Variants in NXPH4 observed in about 807,000 individuals in gnomAD.
NXPH4 encodes neurexophilin 4.
A neutral mutation model predicts 21.3 loss-of-function variants in NXPH4; 8 were observed. The observed-to-expected ratio is 0.38, with a 90% CI of 0.22 to 0.68. The LOEUF (loss-of-function observed/expected upper bound fraction) is 0.68, where lower values mean the gene tolerates loss of function less well. NXPH4 is among the 30% of genes least tolerant of loss of function. NXPH4 has a pLI of 0.53. For missense variants in NXPH4, 418 were observed against 416.8 expected (o/e 1.00, Z -0.03); for synonymous variants, 219 against 192.6 (o/e 1.14, Z -1.13).
Position 57,225,435 on chromosome 12 carries a change from G to A in NXPH4, c.615G>A (p.Gly205=). 1 of 1,603,414 alleles carries A rather than the reference G, an allele frequency of 6.2e-7. No individual in the cohort carries two copies. Residue 205 remains glycine (G), a synonymous_variant, in exon 2 of 2, where the codon GGG becomes GGA. Transcript: ENST00000349394. ...MAAAAAGPGL[G]GSLGGALAGP... ...CAGCAGCGGCGGGGCCCGGGCTTGG[G>A]GGCTCCCTCGGGGGCGCACTGGCGG...
chr12:57,222,588 G>A (rs1306177116), intron 1 of NXPH4, among the ~76,000 whole-genome samples: 1 of 151,902 alleles, frequency 6.6e-6, no homozygotes, highest in East Asian at 1.9e-4. Context: ...AGTTCAAATG[G>A]CCCACCCTTC....
intron 1 of NXPH4, among the ~76,000 whole-genome samples, chr12:57,218,238 A>G (rs1592672641): frequency 6.6e-6 from 1 of 152,242 alleles, no homozygotes; most frequent in Admixed American, 6.5e-5. Context: ...AAACCCCAGC[A>G]GGGCAGGGGC....
In NXPH4 at chr12:57,225,171, C is replaced by T. The variant is rs148526252; in HGVS notation, c.351C>T (p.Thr117=). 1.2e-5 allele frequency: 19 copies of T among 1,590,166 alleles called. No homozygotes were observed. Among genetic ancestry groups the T allele is most frequent in the Non-Finnish European group, 1.5e-5 (18 of 1,168,304 alleles). ...GWGDFYFRVH[T]LKFSLLVTGK... ...GGGACTTCTACTTTCGGGTGCATAC[C>T]CTCAAGTTTTCGCTGCTGGTGACCG... The change falls in exon 2 of 2, where the codon ACC becomes ACT. Residue 117 remains threonine (T), a synonymous_variant. Coordinates refer to ENST00000349394, the MANE Select transcript of NXPH4 (RefSeq NM_007224.4).
intron 1 of NXPH4, among the ~76,000 whole-genome samples, chr12:57,223,026 A>G (rs1378659266): frequency 1.3e-5 from 2 of 151,956 alleles, no homozygotes; most frequent in Admixed American, 1.3e-4. Flanking sequence ...AGAGGGGGGC[A>G]CCCATGCTTC....
At chr12:57,221,400 C>T in intron 1 of NXPH4, 1 of 455,132 alleles carries the variant, frequency 2.2e-6, no homozygotes, top group Non-Finnish European at 4.4e-6. Flanking sequence ...AGCCTGGAGG[C>T]CCAGGGGAGG....
At position 57,225,449 on chromosome 12, in the gene NXPH4, G is replaced by C; in HGVS notation, c.629G>C (p.Gly210Ala). The change falls in exon 2 of 2, where the codon GGC becomes GCC. Residue 210 changes from glycine to alanine, a missense_variant. Physicochemically the swap from Gly to Ala is moderately conservative, Grantham distance 60 (BLOSUM62 0). Coordinates refer to ENST00000349394, the MANE Select transcript of NXPH4 (RefSeq NM_007224.4). ...AGPGLGGSLGGALAGPLGGAL... is the reference protein window; with the variant it reads ...AGPGLGGSLGAALAGPLGGAL... The stretch of plus-strand genomic sequence containing the variant: ...CCCGGGCTTGGGGGCTCCCTCGGGG[G>C]CGCACTGGCGGGGCCGCTTGGGGGC... The C allele has an allele frequency of 6.2e-7, 1 of 1,603,412 alleles. No homozygotes were observed. The highest frequency in any genetic ancestry group is 8.5e-7 in the Non-Finnish European group (1 of 1,177,036).
At chr12:57,219,101 A>G (rs1393091237) in intron 1 of NXPH4, among the ~76,000 whole-genome samples, 3 of 151,966 alleles carry the variant, frequency 2.0e-5, no homozygotes, top group African/African-American at 7.3e-5. Flanking sequence ...CAGCACTGGG[A>G]GTGGGCAAAA....
intron 1 of NXPH4, among the ~76,000 whole-genome samples, chr12:57,218,739 A>G (rs2037062371): frequency 6.6e-6 from 1 of 151,712 alleles, no homozygotes; most frequent in South Asian, 2.1e-4. Context: ...TGGTTAGCCC[A>G]GCTTATGTGC....
At chr12:57,222,925 G>A (rs2037105716) in intron 1 of NXPH4, among the ~76,000 whole-genome samples, 1 of 152,184 alleles carries the variant, frequency 6.6e-6, no homozygotes, top group South Asian at 2.1e-4. Context: ...CGGGGACGGG[G>A]ACCAGGCGGT....
chr12:57,222,842 G>A (rs936737001), intron 1 of NXPH4, among the ~76,000 whole-genome samples: 21 of 152,186 alleles, frequency 1.4e-4, no homozygotes. Flanking sequence ...GATGGGAGGG[G>A]GAATGAGGGG....
chr12:57,216,975 G>T lies in NXPH4; in HGVS notation c.6G>T (p.Arg2=). The change falls in exon 1 of 2, where the codon CGG becomes CGT. Residue 2 remains arginine (R), a synonymous_variant. Coordinates refer to ENST00000349394, the MANE Select transcript of NXPH4 (RefSeq NM_007224.4). The surrounding 1 kb of genome is among the most constrained non-coding windows in gnomAD (Gnocchi z 5.3). ...CCGCTCAGCCGCCAGAGAAGATGCGGCTGCTCCCGGAATGGTTCCTCTTGC... is the reference window on the plus strand; with the variant it reads ...CCGCTCAGCCGCCAGAGAAGATGCGTCTGCTCCCGGAATGGTTCCTCTTGC... M[R]LLPEWFLLLF... The T allele has an allele frequency of 6.2e-7, 1 of 1,600,792 alleles. No homozygotes were observed.
At chr12:57,222,795 T>G (rs1565763415) in intron 1 of NXPH4, among the ~76,000 whole-genome samples, 1 of 152,178 alleles carries the variant, frequency 6.6e-6, no homozygotes, top group Non-Finnish European at 1.5e-5. Flanking sequence ...TCATTCTTGC[T>G]GCCCCCGCCC....
At chr12:57,218,541 CA>C (rs754013601) in intron 1 of NXPH4, among the ~76,000 whole-genome samples, 1 of 152,228 alleles carries the variant, frequency 6.6e-6, no homozygotes, top group Non-Finnish European at 1.5e-5. Flanking sequence ...CTCTCCCAGG[CA>C]AATAAACTCC....
intron 1 of NXPH4, 138 bp from the exon 2 acceptor site, chr12:57,224,740 C>G (rs1031910146): frequency 5.0e-5 from 21 of 423,910 alleles, no homozygotes; most frequent in Non-Finnish European, 7.9e-5. Flanking sequence ...CTCCAAGGCA[C>G]GCTCCCTGCC....
intron 1 of NXPH4, among the ~76,000 whole-genome samples, chr12:57,219,684 C>T (rs1175841288): frequency 6.6e-6 from 1 of 151,712 alleles, no homozygotes; most frequent in African/African-American, 2.4e-5. Flanking sequence ...AGAGCTGCTG[C>T]CGGGGATTTG....
In NXPH4 at chr12:57,225,090, C is replaced by T. The variant is rs1396524896; in HGVS notation, c.270C>T (p.Arg90=). The change falls in exon 2 of 2, where the codon CGC becomes CGT. Residue 90 remains arginine, a synonymous_variant. Transcript: ENST00000349394. ...AGAAGALPAQ[R]TKRKPSIKAA... is the part of the protein sequence containing the mutation. The stretch of plus-strand genomic sequence containing the variant: ...CAGCCGGGGCGTTGCCCGCGCAGCG[C>T]ACCAAGAGGAAGCCGTCCATCAAGG... The T allele has an allele frequency of 1.3e-6, 2 of 1,489,066 alleles. No homozygotes were observed. Among genetic ancestry groups the T allele is most frequent in the Non-Finnish European group, 1.8e-6 (2 of 1,116,740 alleles). 92.2% of individuals were successfully genotyped at this position (1,489,066 alleles called of 1,614,324 possible). A position where few individuals can be genotyped will look rare whatever the true frequency, so the allele number is the denominator to read the frequency against.
At chr12:57,218,437 A>G (rs1189085044) in intron 1 of NXPH4, among the ~76,000 whole-genome samples, 3 of 151,988 alleles carry the variant, frequency 2.0e-5, no homozygotes, top group African/African-American at 7.2e-5. Flanking sequence ...GTGCCCTACC[A>G]CCCACCCACC....
Position 57,216,944 on chromosome 12 carries a change from C to A in NXPH4, c.-26C>A. 1 of 1,570,696 alleles carries A rather than the reference C, an allele frequency of 6.4e-7. No homozygotes were observed. The highest frequency in any genetic ancestry group is 8.6e-7 in the Non-Finnish European group (1 of 1,159,002). The stretch of plus-strand genomic sequence containing the variant: ...TCCCGCCTGCCCGAGACCCGCCCAG[C>A]CTGCCCCGCTCAGCCGCCAGAGAAG... On this transcript the variant is annotated 5_prime_UTR_variant, in exon 1 of 2. Transcript: ENST00000349394. This position sits in a 1 kb window ranked among gnomAD's most constrained non-coding sequence, Gnocchi z 5.3.
rs1592676297 is a variant in NXPH4 at position 57,226,053 on chromosome 12, T to C, written c.*306T>C. 1 of 759,408 alleles carries C rather than the reference T, an allele frequency of 1.3e-6. No homozygotes were observed. The highest frequency in any genetic ancestry group is 2.0e-6 in the Non-Finnish European group (1 of 510,200). The allele number at this position is 759,408 out of a possible 1,614,324, so 47.0% of individuals were successfully genotyped here. A position where few individuals can be genotyped will look rare whatever the true frequency, so the allele number is the denominator to read the frequency against. ...CCTGGGTCCACAGTGGGTCCCCTTTTCACCCTTGGCGCTAGGCTGCGCACT... is the reference window on the plus strand; with the variant it reads ...CCTGGGTCCACAGTGGGTCCCCTTTCCACCCTTGGCGCTAGGCTGCGCACT... On this transcript the variant is annotated 3_prime_UTR_variant, in exon 2 of 2. Transcript: ENST00000349394.
Sources: gnomAD v4.1 joint callset for allele counts (sites outside exome capture counted in the v4.1 genomes callset) on GRCh38, gnomAD v4.1.1 for gene constraint, Gnocchi (gnomAD v3.1) non-coding constraint, MANE v1.5 for transcripts, NCBI Gene and HGNC (gene_info 2026-07-23, HGNC 2026-07-21) for gene names.